The following C7 variants were observed in gnomAD, a reference collection of about 807,000 sequenced individuals.
The protein encoded by C7 is complement C7.
A neutral mutation model predicts 104.8 loss-of-function variants in C7; 83 were observed. The observed-to-expected ratio is 0.79, with a 90% confidence interval of 0.66 to 0.95. The LOEUF (loss-of-function observed/expected upper bound fraction) is 0.95. Among genes scored for constraint, C7 ranks in the 40% least tolerant of loss-of-function variants. The pLI, the probability that C7 is intolerant of heterozygous loss-of-function variation, is 0.00. For synonymous variants in C7, 415 were observed against 360.6 expected (o/e 1.15, Z -1.71); for missense variants, 1,070 against 1,011.2 (o/e 1.06, Z -0.79).
chr5:40,927,266 T>A (rs1739573078), intron 1 of C7, among the ~76,000 whole-genome samples: 1 of 151,898 alleles, frequency 6.6e-6, no homozygotes, highest in African/African-American at 2.4e-5. Flanking sequence ...GGATGAAGCC[T>A]TAAGCATAAG....
chr5:40,923,425 A>G (rs1023759990), intron 1 of C7, among the ~76,000 whole-genome samples: 1 of 152,166 alleles, frequency 6.6e-6, no homozygotes, highest in Admixed American at 6.5e-5. Flanking sequence ...AAGAGCAGAC[A>G]TGTCACATGG....
At chr5:40,922,368 C>G (rs324070) in intron 1 of C7, among the ~76,000 whole-genome samples, 26,514 of 88,244 alleles carry the variant, frequency 0.3, 3,769 homozygotes, top group African/African-American at 0.49. Context: ...GAGTGAGACT[C>G]TGTCTCAAAA....
intron 4 of C7, 59 bp from the exon 5 acceptor site, chr5:40,936,279 G>T: frequency 6.4e-7 from 1 of 1,558,504 alleles, no homozygotes; most frequent in South Asian, 1.1e-5. Context: ...TTTTGGTCCT[G>T]GGTAGTGTTT....
At chr5:40,968,592 ATATATATATTTTTTTTTTTT>A (rs1468680467) in intron 14 of C7, among the ~76,000 whole-genome samples, 39 of 33,998 alleles carry the variant, frequency 1.1e-3, no homozygotes, top group South Asian at 6.4e-3. Context: ...ATATATATAT[ATATATATATTTTTTTTTTTT>A]TTTTTTTTTT....
chr5:40,947,841 A>G lies in C7; in HGVS notation c.978A>G (p.Gln326=). The G allele has an allele frequency of 6.2e-7, 1 of 1,611,578 alleles. No homozygotes were observed. Among genetic ancestry groups the G allele is most frequent in the East Asian group, 2.2e-5 (1 of 44,860 alleles). ...ATGTGGACTCAGAAAAATTAAAACA[A>G]AATGGTACAGTATTAAAAAATTCGT... ...LFYVDSEKLK[Q]NDFNSVEEKK... is the part of the protein sequence containing the mutation. Residue 326 remains glutamine, a synonymous_variant, in exon 8 of 18, where the codon CAA becomes CAG. Coordinates refer to ENST00000313164, the MANE Select transcript of C7 (RefSeq NM_000587.4).
At position 40,926,895 on chromosome 5, in the gene C7, A is replaced by T. The variant is rs191290177; in HGVS notation, c.7-1685A>T. Among the ~76,000 whole-genome samples, 15 of 151,892 alleles carry T rather than the reference A, an allele frequency of 9.9e-5. No homozygotes were observed. The East Asian group carries it at 2.7e-3, about 27-fold the overall frequency. On this transcript the variant is annotated intron_variant, in intron 1 of 17. Transcript: ENST00000313164. Reference sequence around the variant, plus strand: ...ATCATTTTTCAAAGAAATAGAAAAAAATCTTAAAGTTCATATGGAATCACA... The same window carrying T: ...ATCATTTTTCAAAGAAATAGAAAAATATCTTAAAGTTCATATGGAATCACA...
rs1193918368 is a variant in C7 at position 40,949,980 on chromosome 5, C to T, written c.1059C>T (p.Cys353=). The T allele has an allele frequency of 6.3e-7, 1 of 1,599,364 alleles. No individual in the cohort carries two copies. The highest frequency in any genetic ancestry group is 8.5e-7 in the Non-Finnish European group (1 of 1,172,198). Residue 353 remains cysteine, a synonymous_variant, in exon 9 of 18, where the codon TGC becomes TGT. Coordinates refer to ENST00000313164, the MANE Select transcript of C7 (RefSeq NM_000587.4). ...HFVVKFSSHG[C]KELENALKAA... is the part of the protein sequence containing the mutation. ...TCGTTAAATTTTCAAGTCATGGATG[C>T]AAGGAACTGGAAAACGCTTTAAAAG...
intron 1 of C7, among the ~76,000 whole-genome samples, chr5:40,913,363 T>C (rs1739249808): frequency 6.6e-6 from 1 of 152,200 alleles, no homozygotes; most frequent in African/African-American, 2.4e-5. Context: ...TTTTTAGTTC[T>C]TTGAGAAATC....
intron 1 of C7, among the ~76,000 whole-genome samples, chr5:40,921,361 C>A (rs28831497): frequency 0.17 from 26,261 of 151,766 alleles, 2,568 homozygotes; most frequent in East Asian, 0.32. Flanking sequence ...AAAATTAATA[C>A]CATTAAAATA....
chr5:40,970,380 T>C (rs922366260), intron 14 of C7, among the ~76,000 whole-genome samples: 2 of 152,230 alleles, frequency 1.3e-5, no homozygotes, highest in African/African-American at 4.8e-5. Context: ...GTGTGTTTTT[T>C]CTTTTTCTCT....
chr5:40,978,793 A>C (rs2111728405), intron 16 of C7, among the ~76,000 whole-genome samples: 1 of 150,782 alleles, frequency 6.6e-6, no homozygotes, highest in South Asian at 2.1e-4. Context: ...GAGTTTTCTG[A>C]TAGTGACATT....
At chr5:40,934,596 T>G in intron 4 of C7, 130 bp downstream of exon 4, 1 of 911,834 alleles carries the variant, frequency 1.1e-6, no homozygotes, top group East Asian at 2.5e-5. Context: ...CCAAATATCA[T>G]CAGGATTTTT....
chr5:40,910,092 C>T (rs1739176097), intron 1 of C7, among the ~76,000 whole-genome samples: 1 of 150,966 alleles, frequency 6.6e-6, no homozygotes, highest in Non-Finnish European at 1.5e-5. Context: ...ATTTGAAATC[C>T]TGGATGAAAG....
chr5:40,972,695 T>A, intron 15 of C7, 101 bp downstream of exon 15: 4 of 892,906 alleles, frequency 4.5e-6, no homozygotes, highest in Non-Finnish European at 6.8e-6. Context: ...TGTGAGTCAT[T>A]CCCTCCATTC....
Position 40,947,842 on chromosome 5 carries a change from A to G in C7, c.979A>G (p.Asn327Asp). The G allele has an allele frequency of 6.2e-7, 1 of 1,611,792 alleles. No individual in the cohort carries two copies. ...TGTGGACTCAGAAAAATTAAAACAA[A>G]ATGGTACAGTATTAAAAAATTCGTT... ...FYVDSEKLKQ[N>D]DFNSVEEKKC... is the part of the protein sequence containing the mutation. The change falls in exon 8 of 18, where the codon AAT becomes GAT. Residue 327 changes from asparagine to aspartate, a missense_variant. Physicochemically the swap from Asn to Asp is conservative, Grantham distance 23. Transcript: ENST00000313164.
rs187066599 is a variant in C7 at position 40,949,023 on chromosome 5, C to T, written c.983-881C>T. ...GCACAAGTACAGGTTTTTGTAGCAA[C>T]GACAAGGACACTATTTCTTTGGAGA... is the stretch of plus-strand genomic sequence containing the variant. On this transcript the variant is annotated intron_variant, in intron 8 of 17. Coordinates refer to ENST00000313164, the MANE Select transcript of C7 (RefSeq NM_000587.4). Among the ~76,000 whole-genome samples the T allele has an allele frequency of 1.2e-3, 186 of 151,860 alleles. 2 individuals are homozygous for T. The highest frequency in any genetic ancestry group is 7.1e-3 in the South Asian group (34 of 4,810).
intron 3 of C7, among the ~76,000 whole-genome samples, chr5:40,933,021 A>G (rs1184778508): frequency 6.6e-6 from 1 of 152,136 alleles, no homozygotes; most frequent in East Asian, 1.9e-4. Context: ...CTGGAACTTC[A>G]CAAAAGGACA....
rs941202575 is a variant in C7 at position 40,938,853 on chromosome 5, G to A, written c.567+1163G>A. ...GGAAACTTTACGGAAGATTTAGAAGGAAGATAGAGGAGAGATTTTCTGTTG... is the reference window on the plus strand; with the variant it reads ...GGAAACTTTACGGAAGATTTAGAAGAAAGATAGAGGAGAGATTTTCTGTTG... On this transcript the variant is annotated intron_variant, in intron 6 of 17. Transcript: ENST00000313164. Among the ~76,000 whole-genome samples, 20 of 152,260 alleles carry A rather than the reference G, an allele frequency of 1.3e-4. No homozygotes were observed. The East Asian group carries it at 3.7e-3, about 28-fold the overall frequency.
Position 40,910,658 on chromosome 5 carries a change from C to T in C7, c.6+1042C>T, listed in dbSNP as rs754220414. On this transcript the variant is annotated intron_variant, in intron 1 of 17. Transcript: ENST00000313164. ...GAGGTCATTATCCTAAGAAAATTAA[C>T]GCAGGAACAGACAATCAAATACCCC... 1.1e-4 allele frequency among the ~76,000 whole-genome samples: 17 copies of T among 151,932 alleles called. No individual in the cohort carries two copies. In the South Asian group the frequency reaches 2.5e-3, roughly 22 times the overall value.
Sources: gnomAD v4.1 joint callset for allele counts (sites outside exome capture counted in the v4.1 genomes callset) on GRCh38, gnomAD v4.1.1 for gene constraint, MANE v1.5 for transcripts, NCBI Gene and HGNC (gene_info 2026-07-23, HGNC 2026-07-21) for gene names.